The following SLC29A4 variants were observed in gnomAD, a reference collection of about 807,000 sequenced individuals.
SLC29A4 encodes equilibrative nucleoside transporter 4.
A neutral mutation model predicts 43.9 loss-of-function variants in SLC29A4; 36 were observed. That is an observed-to-expected ratio of 0.82 (90% CI 0.63 to 1.08). SLC29A4 has a LOEUF of 1.08. SLC29A4 is among the 50% of genes least tolerant of loss of function. The pLI is 0.00. For synonymous variants in SLC29A4, 491 were observed against 338.0 expected (o/e 1.45, Z -4.97); for missense variants, 869 against 755.3 (o/e 1.15, Z -1.77).
In SLC29A4 at chr7:5,299,054, G is replaced by C; in HGVS notation, c.949G>C (p.Gly317Arg). Residue 317 changes from glycine (G) to arginine (R), a missense_variant, in exon 8 of 11, where the codon GGC (glycine) becomes CGC (arginine). Transcript: ENST00000396872. Reference sequence around the variant, plus strand: ...GGACAGCCCAGCCCACGAGGTGACCGGCAGCGGCGGGGCCTACATGCGCTT... The same window carrying C: ...GGACAGCCCAGCCCACGAGGTGACCCGCAGCGGCGGGGCCTACATGCGCTT... Reference protein sequence around the residue: ...PKDSPAHEVTGSGGAYMRFDV... With the variant: ...PKDSPAHEVTRSGGAYMRFDV... 2 of 1,611,804 alleles carry C rather than the reference G, an allele frequency of 1.2e-6. No individual in the cohort carries two copies. Among genetic ancestry groups the C allele is most frequent in the Non-Finnish European group, 1.7e-6 (2 of 1,179,746 alleles).
Position 5,306,446 on chromosome 7 carries a change from C to G in SLC29A4, c.*3507C>G, listed in dbSNP as rs377766969. 1 of 151,480 alleles carries G rather than the reference C, an allele frequency of 6.6e-6. No homozygotes were observed. Among genetic ancestry groups the G allele is most frequent in the African/African-American group, 2.4e-5 (1 of 41,180 alleles). The allele number at this position is 151,480 out of a possible 1,614,324, so 9.4% of individuals were successfully genotyped here. On this transcript the variant is annotated 3_prime_UTR_variant, in exon 11 of 11. Transcript: ENST00000396872. ...CTGGCCTGAAGTGATCCTCCCGCCTCGGCCTCCTAAAGTGCTGGGATTACA... is the reference window on the plus strand; with the variant it reads ...CTGGCCTGAAGTGATCCTCCCGCCTGGGCCTCCTAAAGTGCTGGGATTACA...
intron 1 of SLC29A4, among the ~76,000 whole-genome samples, 191 bp downstream of exon 1, chr7:5,283,273 C>T (rs1291069747): frequency 2.6e-5 from 4 of 151,378 alleles, no homozygotes; most frequent in South Asian, 2.1e-4. Flanking sequence ...CCGCGCCCGG[C>T]GACAAGCGCG....
Position 5,303,220 on chromosome 7 carries a change from C to T in SLC29A4, c.*281C>T, listed in dbSNP as rs1296567189. 1.8e-4 allele frequency: 95 copies of T among 522,784 alleles called. 2 individuals are homozygous for T. Among genetic ancestry groups the T allele is most frequent in the East Asian group, 1.5e-3 (46 of 29,878 alleles). 32.4% of individuals were successfully genotyped at this position (522,784 alleles called of 1,614,324 possible). A position where few individuals can be genotyped will look rare whatever the true frequency, so the allele number is the denominator to read the frequency against. ...CTACCTTCCATCTGTGTCCAGCGGC[C>T]CCGGCTCCAGCCCAGCCAGCACTCT... is the stretch of plus-strand genomic sequence containing the variant. On this transcript the variant is annotated 3_prime_UTR_variant, in exon 11 of 11. Transcript: ENST00000396872.
chr7:5,293,761 C>T (rs950185184), intron 5 of SLC29A4, among the ~76,000 whole-genome samples: 5 of 152,126 alleles, frequency 3.3e-5, no homozygotes, highest in Admixed American at 3.3e-4. Context: ...AGGCCAGGCC[C>T]CCCACATAGC....
chr7:5,300,663 G>A lies in SLC29A4; in HGVS notation c.1450+1G>A. The A allele has an allele frequency of 9.3e-6, 15 of 1,606,998 alleles. No individual in the cohort carries two copies. The highest frequency in any genetic ancestry group is 1.3e-5 in the Non-Finnish European group (15 of 1,178,696). ...AGCCCCAAGCAGCGGGAGCTGGCAG[G>A]TGAGGCCCGCGGGACGTGGGGGTGG... is the stretch of plus-strand genomic sequence containing the variant. On this transcript the variant is annotated splice_donor_variant, in intron 10 of 10. Transcript: ENST00000396872. LOFTEE classifies it high-confidence loss of function.
At chr7:5,290,933 C>T in intron 3 of SLC29A4, 70 bp downstream of exon 3, 1 of 1,560,016 alleles carries the variant, frequency 6.4e-7, no homozygotes. Flanking sequence ...CCCAGAAACC[C>T]CCGGCGGGGA....
intron 10 of SLC29A4, 102 bp from the exon 11 acceptor site, chr7:5,302,695 C>T (rs1441829023): frequency 1.2e-5 from 14 of 1,197,442 alleles, no homozygotes; most frequent in Admixed American, 2.6e-5. Context: ...CCTGGAGGGG[C>T]GGCACGGTTC....
intron 2 of SLC29A4, among the ~76,000 whole-genome samples, chr7:5,289,614 C>T (rs1785176648): frequency 6.6e-6 from 1 of 152,078 alleles, no homozygotes; most frequent in South Asian, 2.1e-4. Context: ...TCGCAAAACG[C>T]CTTCACAGCA....
rs1308074349 is a variant in SLC29A4 at position 5,299,032 on chromosome 7, C to A, written c.927C>A (p.Asp309Glu). 3 of 1,611,940 alleles carry A rather than the reference C, an allele frequency of 1.9e-6. No homozygotes were observed. The Admixed American group carries it at 5.0e-5, about 27-fold the overall frequency. ...PALAPNESPK[D>E]SPAHEVTGSG... ...TGGCCCCCAACGAGTCCCCAAAGGACAGCCCAGCCCACGAGGTGACCGGCA... is the reference window on the plus strand; with the variant it reads ...TGGCCCCCAACGAGTCCCCAAAGGAAAGCCCAGCCCACGAGGTGACCGGCA... The change falls in exon 8 of 11, where the codon GAC (aspartate) becomes GAA (glutamate). Residue 309 changes from aspartate (D) to glutamate (E), a missense_variant. Asp to Glu is a conservative substitution (Grantham distance 45). Transcript: ENST00000396872.
intron 2 of SLC29A4, among the ~76,000 whole-genome samples, chr7:5,290,407 G>A (rs1340007503): frequency 6.6e-6 from 1 of 152,152 alleles, no homozygotes; most frequent in Non-Finnish European, 1.5e-5. Flanking sequence ...ATGTTGGCCA[G>A]GCTGGTCTCG....
rs1362374574 is a variant in SLC29A4, at chr7:5,304,781, G to A, written c.*1842G>A. ...ATCCTCCCAAAGTGTTGGGATTACA[G>A]GTGTGAGCCACTGCACCCGTCCTGT... On this transcript the variant is annotated 3_prime_UTR_variant, in exon 11 of 11. Coordinates refer to ENST00000396872, the MANE Select transcript of SLC29A4 (RefSeq NM_153247.4). 6.6e-6 allele frequency: 1 copy of A among 152,020 alleles called. No individual in the cohort carries two copies. 9.4% of individuals were successfully genotyped at this position (152,020 alleles called of 1,614,324 possible).
chr7:5,299,670 C>G (rs759997796), intron 9 of SLC29A4, among the ~76,000 whole-genome samples: 1 of 152,220 alleles, frequency 6.6e-6, no homozygotes, highest in African/African-American at 2.4e-5. Flanking sequence ...CCCTCACCCT[C>G]TCGCCTCACG....
At chr7:5,286,923 A>T (rs1356703108) in intron 1 of SLC29A4, among the ~76,000 whole-genome samples, 2 of 152,242 alleles carry the variant, frequency 1.3e-5, no homozygotes, top group African/African-American at 4.8e-5. Flanking sequence ...AGGCTCACTC[A>T]TGTCACCTGT....
intron 10 of SLC29A4, among the ~76,000 whole-genome samples, chr7:5,301,993 C>T (rs1208938618): frequency 6.6e-6 from 1 of 152,178 alleles, no homozygotes; most frequent in Non-Finnish European, 1.5e-5. Flanking sequence ...CTCTGTTCCC[C>T]AGGCTGGAGT....
intron 7 of SLC29A4, 106 bp from the exon 8 acceptor site, chr7:5,298,882 T>TCAGCGCC: frequency 7.7e-7 from 1 of 1,291,614 alleles, no homozygotes; most frequent in Admixed American, 2.3e-5. Context: ...CACCTGAATG[T>TCAGCGCC]CAGCGCCAGC....
intron 10 of SLC29A4, 131 bp downstream of exon 10, chr7:5,300,793 A>G (rs1786108694): frequency 7.1e-6 from 9 of 1,268,372 alleles, no homozygotes; most frequent in Non-Finnish European, 9.6e-6. Flanking sequence ...AGTGTCTGGG[A>G]GGCCGTAGGT....
rs3801042 is a variant in SLC29A4 at position 5,303,831 on chromosome 7, G to A, written c.*892G>A. On this transcript the variant is annotated 3_prime_UTR_variant, in exon 11 of 11. Coordinates refer to ENST00000396872, the MANE Select transcript of SLC29A4 (RefSeq NM_153247.4). The stretch of plus-strand genomic sequence containing the variant: ...GAACGTAGGGAGGGGCTGGGGGTCA[G>A]TCCAGCCCGGGCCTCCCAGAACACC... The A allele has an allele frequency of 6.6e-6, 1 of 152,168 alleles. No homozygotes were observed. The highest frequency in any genetic ancestry group is 1.5e-5 in the Non-Finnish European group (1 of 68,062). 9.4% of individuals were successfully genotyped at this position (152,168 alleles called of 1,614,324 possible). A position where few individuals can be genotyped will look rare whatever the true frequency, so the allele number is the denominator to read the frequency against.
At chr7:5,297,795 G>C (rs1445674521) in intron 7 of SLC29A4, among the ~76,000 whole-genome samples, 1 of 152,214 alleles carries the variant, frequency 6.6e-6, no homozygotes, top group Non-Finnish European at 1.5e-5. Flanking sequence ...GATAGGCGGA[G>C]AGGGAGGGCC....
chr7:5,296,548 G>C (rs1785675395), intron 6 of SLC29A4, among the ~76,000 whole-genome samples: 1 of 63,178 alleles, frequency 1.6e-5, no homozygotes, highest in Admixed American at 1.7e-4. Flanking sequence ...TGGGGAGTGA[G>C]GGAGCGGGTG....
Sources: allele counts gnomAD v4.1 joint callset (sites outside exome capture counted in the v4.1 genomes callset), GRCh38; gene constraint gnomAD v4.1.1; transcripts MANE v1.5; gene names NCBI Gene and HGNC (gene_info 2026-07-23, HGNC 2026-07-21).